Variants in SCG5 observed in about 807,000 individuals in gnomAD.
SCG5 encodes the protein neuroendocrine protein 7B2.
SCG5 carries 18 observed loss-of-function variants against 25.7 expected under a neutral mutation model. The ratio of observed to expected loss-of-function variants is 0.70; its 90% CI spans 0.48 to 1.04. The LOEUF is 1.04. SCG5 is among the 50% of genes least tolerant of loss of function. SCG5 has a pLI of 0.00. For missense variants in SCG5, 206 were observed against 259.8 expected (o/e 0.79, Z 1.42); for synonymous variants, 101 against 91.7 (o/e 1.10, Z -0.58).
intron 2 of SCG5, among the ~76,000 whole-genome samples, chr15:32,676,584 A>C (rs1595811127): frequency 6.6e-6 from 1 of 152,246 alleles, no homozygotes; most frequent in East Asian, 1.9e-4. Flanking sequence ...GATATGTCTA[A>C]CCTTTGCATC....
At chr15:32,674,300 C>T (rs995241589) in intron 2 of SCG5, among the ~76,000 whole-genome samples, 2 of 152,100 alleles carry the variant, frequency 1.3e-5, no homozygotes, top group Admixed American at 6.5e-5. Context: ...GTACTATAAT[C>T]GGAAACCTCT....
intron 5 of SCG5, among the ~76,000 whole-genome samples, chr15:32,695,892 C>A (rs1288669581): frequency 6.6e-6 from 1 of 152,106 alleles, no homozygotes; most frequent in African/African-American, 2.4e-5. Context: ...TGGTTTACTG[C>A]ACTTCTTTGC....
chr15:32,649,298 G>A (rs1362750041), intron 2 of SCG5, among the ~76,000 whole-genome samples: 1 of 152,214 alleles, frequency 6.6e-6, no homozygotes, highest in African/African-American at 2.4e-5. Flanking sequence ...ATCTGGATCT[G>A]TCAAGACTTT....
At chr15:32,657,199 G>GTATGTATATATATATATATATATA (rs2054131855) in intron 2 of SCG5, among the ~76,000 whole-genome samples, 1 of 6,674 alleles carries the variant, frequency 1.5e-4, no homozygotes, top group Non-Finnish European at 2.9e-4. Context: ...TCATCCTCCT[G>GTATGTATATATATATATATATATA]TATATATATA....
Position 32,654,875 on chromosome 15 carries a change from G to A in SCG5, c.226+11057G>A, listed in dbSNP as rs138529056. Reference sequence around the variant, plus strand: ...TCTGAGACACCAGCAAGTGGGACTCGTGTTATTCCAGTCAAGATTATCCAG... The same window carrying A: ...TCTGAGACACCAGCAAGTGGGACTCATGTTATTCCAGTCAAGATTATCCAG... On this transcript the variant is annotated intron_variant, in intron 2 of 5. Coordinates refer to ENST00000300175, the MANE Select transcript of SCG5 (RefSeq NM_001144757.3). Among the ~76,000 whole-genome samples the A allele has an allele frequency of 4.4e-3, 668 of 152,268 alleles. 6 individuals are homozygous for A. Among genetic ancestry groups the A allele is most frequent in the African/African-American group, 0.016 (646 of 41,534 alleles).
intron 2 of SCG5, among the ~76,000 whole-genome samples, chr15:32,659,981 A>G (rs1268705310): frequency 6.6e-6 from 1 of 152,236 alleles, no homozygotes; most frequent in Non-Finnish European, 1.5e-5. Context: ...AAACATGGCA[A>G]CAATGCAGGT....
intron 2 of SCG5, among the ~76,000 whole-genome samples, chr15:32,650,889 T>C (rs1398587524): frequency 2.6e-5 from 4 of 152,180 alleles, no homozygotes; most frequent in South Asian, 2.1e-4. Context: ...TAAATCCATA[T>C]TGCCAAACAT....
At chr15:32,696,413 G>A (rs1448884622) in intron 5 of SCG5, 101 bp from the exon 6 acceptor site, 30 of 842,442 alleles carry the variant, frequency 3.6e-5, no homozygotes, top group African/African-American at 5.1e-5. Context: ...CACCGCGCCC[G>A]GCCCCAGAAA....
chr15:32,652,154 AGG>A (rs2054042498), intron 2 of SCG5, among the ~76,000 whole-genome samples: 1 of 152,174 alleles, frequency 6.6e-6, no homozygotes, highest in Non-Finnish European at 1.5e-5. Flanking sequence ...ATCAGCAGAG[AGG>A]TCACATGAAA....
chr15:32,693,786 C>A (rs1997316), intron 5 of SCG5, among the ~76,000 whole-genome samples: 132,855 of 152,154 alleles, frequency 0.87, 58,340 homozygotes, highest in East Asian at 0.99. Context: ...ACAAATATAG[C>A]AGTGCCTTGA....
intron 2 of SCG5, among the ~76,000 whole-genome samples, chr15:32,659,121 A>G (rs1402535008): frequency 2.0e-5 from 3 of 152,072 alleles, no homozygotes; most frequent in Non-Finnish European, 4.4e-5. Flanking sequence ...GCTGGCAGTG[A>G]GCCGAGATGG....
At position 32,662,558 on chromosome 15, in the gene SCG5, C is replaced by T. The variant is rs141767795; in HGVS notation, c.227-17208C>T. ...TTTATTAGATCTAATTTTTGTCTAT[C>T]CACTTTAAGATTTGTTTCTTTCCAT... On this transcript the variant is annotated intron_variant, in intron 2 of 5. Coordinates refer to ENST00000300175, the MANE Select transcript of SCG5 (RefSeq NM_001144757.3). Among the ~76,000 whole-genome samples, 702 of 151,804 alleles carry T rather than the reference C, an allele frequency of 4.6e-3. 6 individuals carry two copies. Among genetic ancestry groups the T allele is most frequent in the African/African-American group, 0.016 (683 of 41,500 alleles).
chr15:32,677,464 C>G (rs1043614343), intron 2 of SCG5: 1 of 152,140 alleles, frequency 6.6e-6, no homozygotes, highest in Non-Finnish European at 1.5e-5. Flanking sequence ...GTGAATCCAA[C>G]GAAGAGCTGG....
chr15:32,688,237 G>A (rs2054757893), intron 4 of SCG5, among the ~76,000 whole-genome samples: 1 of 152,300 alleles, frequency 6.6e-6, no homozygotes, highest in East Asian at 1.9e-4. Flanking sequence ...CTACACCAGT[G>A]GTGACCACAC....
intron 2 of SCG5, among the ~76,000 whole-genome samples, chr15:32,649,186 A>C (rs897347098): frequency 1.3e-5 from 2 of 152,222 alleles, no homozygotes; most frequent in African/African-American, 4.8e-5. Flanking sequence ...ATTATATTCC[A>C]GGCACATAGT....
chr15:32,665,034 A>T (rs894017845), intron 2 of SCG5, among the ~76,000 whole-genome samples: 1 of 152,232 alleles, frequency 6.6e-6, no homozygotes, highest in Non-Finnish European at 1.5e-5. Flanking sequence ...TCAAATGCAG[A>T]TGTTGAGATG....
At chr15:32,644,159 G>C (rs1371299517) in intron 2 of SCG5, among the ~76,000 whole-genome samples, 1 of 152,306 alleles carries the variant, frequency 6.6e-6, no homozygotes, top group East Asian at 1.9e-4. Context: ...GGAGCATCTA[G>C]TGTTATCACT....
intron 2 of SCG5, among the ~76,000 whole-genome samples, chr15:32,653,968 T>C (rs183429274): frequency 4.8e-4 from 73 of 152,284 alleles, no homozygotes; most frequent in Middle Eastern, 6.8e-3. Context: ...CACATAAATA[T>C]GGTATTTTGC....
intron 5 of SCG5, among the ~76,000 whole-genome samples, chr15:32,693,838 G>A (rs990767618): frequency 6.6e-6 from 1 of 152,192 alleles, no homozygotes; most frequent in African/African-American, 2.4e-5. Context: ...AGCTAGGCAT[G>A]GTGGCTCACG....
Sources: allele counts gnomAD v4.1 joint callset (sites outside exome capture counted in the v4.1 genomes callset), GRCh38; gene constraint gnomAD v4.1.1; transcripts MANE v1.5; gene names NCBI Gene and HGNC (gene_info 2026-07-23, HGNC 2026-07-21).